The following CNTN4 variants were observed in gnomAD, a reference collection of about 807,000 sequenced individuals.
CNTN4 encodes the protein contactin 4, also known as contactin-4.
CNTN4 carries 77 observed loss-of-function variants against 122.5 expected under a neutral mutation model. That is an observed-to-expected ratio of 0.63 (90% CI 0.52 to 0.76). CNTN4 has a LOEUF of 0.76. CNTN4 is among the 30% of genes least tolerant of loss of function. The pLI, the probability that CNTN4 is intolerant of heterozygous loss-of-function variation, is 0.00. For synonymous variants in CNTN4, 512 were observed against 447.0 expected (o/e 1.15, Z -1.83); for missense variants, 1,256 against 1,259.1 (o/e 1.00, Z 0.04).
At chr3:2,557,590 G>A (rs9883703) in intron 3 of CNTN4, among the ~76,000 whole-genome samples, 22,077 of 151,884 alleles carry the variant, frequency 0.15, 2,232 homozygotes, top group East Asian at 0.55. Context: ...TTAGCTGGGC[G>A]TGGTGGCGGG....
Position 2,275,693 on chromosome 3 carries a change from G to A in CNTN4, c.-144-63485G>A, listed in dbSNP as rs545486080. 4.6e-5 allele frequency among the ~76,000 whole-genome samples: 7 copies of A among 151,944 alleles called. No homozygotes were observed. The South Asian group carries it at 6.2e-4, about 14-fold the overall frequency. On this transcript the variant is annotated intron_variant, in intron 2 of 24. Transcript: ENST00000418658. Reference sequence around the variant, plus strand: ...TCCCAGCACTTTGGCAGGCTGAGGCGGGCGGATCATGAGGTCAGGCATTTG... The same window carrying A: ...TCCCAGCACTTTGGCAGGCTGAGGCAGGCGGATCATGAGGTCAGGCATTTG...
At chr3:2,414,391 G>A (rs1327278016) in intron 3 of CNTN4, among the ~76,000 whole-genome samples, 2 of 151,992 alleles carry the variant, frequency 1.3e-5, no homozygotes, top group Non-Finnish European at 2.9e-5. Context: ...AAAGTACAGT[G>A]AAATTTTTTA....
At chr3:2,608,516 A>G (rs968920301) in intron 4 of CNTN4, among the ~76,000 whole-genome samples, 7 of 152,224 alleles carry the variant, frequency 4.6e-5, no homozygotes, top group Admixed American at 1.3e-4. Context: ...CCCTCTCCCC[A>G]GACAAAGTCT....
At chr3:2,202,347 G>T (rs1349582109) in intron 2 of CNTN4, among the ~76,000 whole-genome samples, 1 of 150,486 alleles carries the variant, frequency 6.6e-6, no homozygotes, top group Non-Finnish European at 1.5e-5. Flanking sequence ...GGAAAACCAT[G>T]GGGGTGGGAG....
chr3:2,321,801 T>G (rs1349403612), intron 2 of CNTN4, among the ~76,000 whole-genome samples: 1 of 152,122 alleles, frequency 6.6e-6, no homozygotes, highest in Non-Finnish European at 1.5e-5. Flanking sequence ...CACTTGGGTA[T>G]TCCTGTTATA....
At chr3:2,659,476 AAAAAAAG>A (rs886502503) in intron 4 of CNTN4, among the ~76,000 whole-genome samples, 1 of 148,746 alleles carries the variant, frequency 6.7e-6, no homozygotes, top group African/African-American at 2.5e-5. Flanking sequence ...AAAAAAAAAA[AAAAAAAG>A]AAGAAGAAGA....
chr3:2,126,063 C>T (rs548730845), intron 2 of CNTN4, among the ~76,000 whole-genome samples: 1 of 152,260 alleles, frequency 6.6e-6, no homozygotes, highest in South Asian at 2.1e-4. Context: ...TCATTGCAAG[C>T]ATCCATTGTG....
intron 2 of CNTN4, among the ~76,000 whole-genome samples, chr3:2,305,652 T>G (rs914183302): frequency 6.6e-6 from 1 of 152,192 alleles, no homozygotes; most frequent in African/African-American, 2.4e-5. Flanking sequence ...TATTCATGTA[T>G]GATAAACATA....
At chr3:2,605,775 C>T (rs976724840) in intron 4 of CNTN4, among the ~76,000 whole-genome samples, 1 of 152,146 alleles carries the variant, frequency 6.6e-6, no homozygotes, top group Non-Finnish European at 1.5e-5. Context: ...AACCGATGTC[C>T]TGTCAGGTGC....
intron 6 of CNTN4, among the ~76,000 whole-genome samples, chr3:2,796,130 A>C (rs946061944): frequency 6.6e-6 from 1 of 152,132 alleles, no homozygotes; most frequent in Admixed American, 6.6e-5. Context: ...AATTAAATCC[A>C]AGTGCATCTT....
At chr3:2,136,658 A>C (rs2034706000) in intron 2 of CNTN4, among the ~76,000 whole-genome samples, 1 of 152,136 alleles carries the variant, frequency 6.6e-6, no homozygotes, top group African/African-American at 2.4e-5. Flanking sequence ...TACATCTTAG[A>C]CAATTAAATG....
chr3:2,284,463 T>C (rs1024363838), intron 2 of CNTN4, among the ~76,000 whole-genome samples: 11 of 152,238 alleles, frequency 7.2e-5, no homozygotes, highest in African/African-American at 2.6e-4. Context: ...GAAGGCAATT[T>C]AGTTTTAAGT....
intron 2 of CNTN4, among the ~76,000 whole-genome samples, chr3:2,331,942 C>T (rs1011380273): frequency 7.2e-5 from 11 of 152,198 alleles, no homozygotes; most frequent in East Asian, 5.8e-4. Context: ...GTTTGTAAGG[C>T]GATTCTCCTG....
chr3:2,894,275 C>T (rs558103848), intron 10 of CNTN4, among the ~76,000 whole-genome samples: 1 of 152,296 alleles, frequency 6.6e-6, no homozygotes, highest in South Asian at 2.1e-4. Context: ...AATGGACTCT[C>T]TTAAGGAAAC....
intron 10 of CNTN4, among the ~76,000 whole-genome samples, chr3:2,890,243 A>G (rs576852500): frequency 2.4e-4 from 36 of 152,310 alleles, no homozygotes; most frequent in Admixed American, 1.1e-3. Context: ...TTAATTATAC[A>G]TAAGCACTTG....
At chr3:2,983,355 G>C (rs1180617687) in intron 13 of CNTN4, among the ~76,000 whole-genome samples, 1 of 149,624 alleles carries the variant, frequency 6.7e-6, no homozygotes, top group Non-Finnish European at 1.5e-5. Context: ...TCACCCATAT[G>C]CTTTGTGAGG....
At chr3:2,432,620 GTA>G (rs552675909) in intron 3 of CNTN4, among the ~76,000 whole-genome samples, 2 of 151,688 alleles carry the variant, frequency 1.3e-5, no homozygotes, top group African/African-American at 2.4e-5. Context: ...GTGTATGTGT[GTA>G]TATATATGTG....
chr3:3,043,265 T>G, intron 22 of CNTN4, 102 bp downstream of exon 22: 393 of 1,015,852 alleles, frequency 3.9e-4, no homozygotes, highest in Non-Finnish European at 5.3e-4. Flanking sequence ...TACTAATTAG[T>G]AGCATGTGGA....
intron 23 of CNTN4, among the ~76,000 whole-genome samples, chr3:3,044,338 G>A (rs900069753): frequency 1.2e-4 from 19 of 152,336 alleles, no homozygotes; most frequent in Admixed American, 4.6e-4. Context: ...AACAGCAACA[G>A]TGTATCATTT....
Sources: gnomAD v4.1 joint callset for allele counts (sites outside exome capture counted in the v4.1 genomes callset) on GRCh38, gnomAD v4.1.1 for gene constraint, MANE v1.5 for transcripts, NCBI Gene and HGNC (gene_info 2026-07-23, HGNC 2026-07-21) for gene names.